The following KCNMA1 variants were observed in gnomAD, a reference collection of about 807,000 sequenced individuals.
KCNMA1 encodes potassium calcium-activated channel subfamily M alpha 1, also known as Calcium-activated potassium channel subunit alpha-1.
A neutral mutation model predicts 140.0 loss-of-function variants in KCNMA1; 29 were observed. The ratio of observed to expected loss-of-function variants is 0.21; its 90% confidence interval spans 0.15 to 0.28. The LOEUF is 0.28. Ranked by LOEUF, KCNMA1 falls within the 10% of genes least tolerant of loss-of-function variation. The probability of loss-of-function intolerance (pLI) is 1.00; values close to 1 mark genes in which losing one functional copy is unlikely to be tolerated. For synonymous variants in KCNMA1, 612 were observed against 611.9 expected, an observed-to-expected ratio of 1.00 and a Z score of 0.00; for missense variants, 880 against 1,602.2, an observed-to-expected ratio of 0.55 and a Z score of 7.70.
intron 13 of KCNMA1, among the ~76,000 whole-genome samples, chr10:77,076,642 C>A (rs561503003): frequency 1.3e-5 from 2 of 152,294 alleles, no homozygotes; most frequent in South Asian, 4.1e-4. Flanking sequence ...AGCTTAGATG[C>A]CCTGCTCTGA....
chr10:77,447,006 A>G (rs2097541395), intron 1 of KCNMA1, among the ~76,000 whole-genome samples: 1 of 152,104 alleles, frequency 6.6e-6, no homozygotes, highest in African/African-American at 2.4e-5. Flanking sequence ...TGCCATGGAG[A>G]TGTGCTGCCC....
At chr10:76,900,642 G>A (rs1303175690) in intron 25 of KCNMA1, among the ~76,000 whole-genome samples, 1 of 151,980 alleles carries the variant, frequency 6.6e-6, no homozygotes, top group Non-Finnish European at 1.5e-5. Flanking sequence ...CTCATGTTCA[G>A]CATGCACTTT....
Position 77,073,081 on chromosome 10 carries a change from T to C in KCNMA1, c.1749+16A>G, listed in dbSNP as rs1172012103. 2 of 1,613,474 alleles carry C rather than the reference T, an allele frequency of 1.2e-6. No homozygotes were observed. Among genetic ancestry groups the C allele is most frequent in the Admixed American group, 3.3e-5 (2 of 60,028 alleles). On this transcript the variant is annotated intron_variant, in intron 14 of 27. Transcript: ENST00000286628. ...GGAATCCCGAGCTAATGTGCTCTAATAAGACGAGACGTTACCTTTATGAAT... is the reference window on the plus strand; with the variant it reads ...GGAATCCCGAGCTAATGTGCTCTAACAAGACGAGACGTTACCTTTATGAAT...
At chr10:77,578,629 G>C (rs1056364523) in intron 1 of KCNMA1, among the ~76,000 whole-genome samples, 5 of 152,098 alleles carry the variant, frequency 3.3e-5, no homozygotes, top group African/African-American at 9.7e-5. Flanking sequence ...GCCTGAAGAG[G>C]ACAAAGAAAG....
intron 1 of KCNMA1, among the ~76,000 whole-genome samples, chr10:77,476,709 C>T (rs1460168401): frequency 6.6e-6 from 1 of 152,222 alleles, no homozygotes. Context: ...GCCTCACAGC[C>T]AGAACCCTGC....
In KCNMA1 at chr10:77,358,003, T is replaced by C. The variant is rs572647604; in HGVS notation, c.540+45859A>G. Among the ~76,000 whole-genome samples the C allele has an allele frequency of 9.7e-4, 148 of 152,290 alleles. 3 individuals are homozygous for C. The highest frequency in any genetic ancestry group is 8.6e-3 in the Admixed American group (132 of 15,294). On this transcript the variant is annotated intron_variant, in intron 2 of 27. Coordinates refer to ENST00000286628, the MANE Select transcript of KCNMA1 (RefSeq NM_001161352.2). ...AACTTGCAAATGATCTGATTCAAGA[T>C]ACAAAGAAAGGTTTTAGTTCTTGAG...
At chr10:77,492,882 T>A (rs2040459169) in intron 1 of KCNMA1, among the ~76,000 whole-genome samples, 1 of 152,244 alleles carries the variant, frequency 6.6e-6, no homozygotes, top group Non-Finnish European at 1.5e-5. Flanking sequence ...TGCAATGTAC[T>A]AAAGCATTCT....
At chr10:76,980,162 C>T (rs908205204) in intron 19 of KCNMA1, 7 of 152,208 alleles carry the variant, frequency 4.6e-5, no homozygotes, top group Non-Finnish European at 1.5e-5. Context: ...CTTGGGGATG[C>T]TCTGGCCTCA....
chr10:76,890,578 G>A (rs1463558418), intron 26 of KCNMA1, among the ~76,000 whole-genome samples: 1 of 152,216 alleles, frequency 6.6e-6, no homozygotes, highest in Non-Finnish European at 1.5e-5. Context: ...TATGGGGAAA[G>A]TATGCAGCAC....
intron 2 of KCNMA1, among the ~76,000 whole-genome samples, chr10:77,342,006 C>T (rs1295461226): frequency 6.6e-6 from 1 of 152,164 alleles, no homozygotes; most frequent in Non-Finnish European, 1.5e-5. Context: ...GGGAGCAAGT[C>T]ACCAATAATA....
intron 19 of KCNMA1, among the ~76,000 whole-genome samples, chr10:76,991,411 G>A (rs1040197904): frequency 2.0e-5 from 3 of 152,116 alleles, no homozygotes; most frequent in Admixed American, 6.5e-5. Context: ...AATTGCACCT[G>A]CCATTTGATC....
At chr10:77,012,580 G>T in intron 17 of KCNMA1, 1 of 1,541,998 alleles carries the variant, frequency 6.5e-7, no homozygotes, top group Non-Finnish European at 8.8e-7. Flanking sequence ...AAAAACGAAA[G>T]CCACGAGTCA....
intron 3 of KCNMA1, among the ~76,000 whole-genome samples, chr10:77,211,349 T>C (rs1395579962): frequency 6.6e-6 from 1 of 152,064 alleles, no homozygotes; most frequent in Non-Finnish European, 1.5e-5. Context: ...AAACAAGCAG[T>C]GGGGAAGGGA....
intron 1 of KCNMA1, among the ~76,000 whole-genome samples, chr10:77,562,049 C>G (rs1016344868): frequency 6.6e-6 from 1 of 152,196 alleles, no homozygotes; most frequent in East Asian, 1.9e-4. Context: ...TAGTAAATGA[C>G]AGAGTCAAAA....
At chr10:77,290,929 C>A (rs2073006004) in intron 2 of KCNMA1, among the ~76,000 whole-genome samples, 1 of 152,142 alleles carries the variant, frequency 6.6e-6, no homozygotes, top group Admixed American at 6.5e-5. Context: ...CCAGGAGGGG[C>A]AGTTGGAAAG....
At chr10:77,517,341 G>A (rs796440402) in intron 1 of KCNMA1, among the ~76,000 whole-genome samples, 11 of 152,188 alleles carry the variant, frequency 7.2e-5, no homozygotes, top group African/African-American at 2.4e-4. Flanking sequence ...AAGCTGACAC[G>A]AAGGATGAGC....
chr10:76,962,345 C>T (rs2071888106), intron 20 of KCNMA1, among the ~76,000 whole-genome samples: 1 of 152,170 alleles, frequency 6.6e-6, no homozygotes, highest in Admixed American at 6.5e-5. Flanking sequence ...ATTTTCGAGA[C>T]CTCATGTCTT....
At chr10:76,995,760 G>A in intron 19 of KCNMA1, 3 of 459,740 alleles carry the variant, frequency 6.5e-6, no homozygotes, top group South Asian at 4.7e-5. Flanking sequence ...TTGCATAAGG[G>A]CCTCTTCTGG....
At chr10:77,020,567 T>C (rs1160094253) in intron 16 of KCNMA1, 1 of 152,182 alleles carries the variant, frequency 6.6e-6, no homozygotes, top group Admixed American at 6.5e-5. Flanking sequence ...TCCACACTAA[T>C]AGCACGGCCT....
Sources: gnomAD v4.1 joint callset for allele counts (sites outside exome capture counted in the v4.1 genomes callset) on GRCh38, gnomAD v4.1.1 for gene constraint, MANE v1.5 for transcripts, NCBI Gene and HGNC (gene_info 2026-07-23, HGNC 2026-07-21) for gene names.